Variants in DNAH9 observed in about 807,000 individuals in gnomAD.
DNAH9 encodes the protein dynein axonemal heavy chain 9.
Under a neutral mutation model 471.6 loss-of-function variants are expected in DNAH9, and 345 were observed. The ratio of observed to expected loss-of-function variants is 0.73; its 90% CI spans 0.67 to 0.80. The LOEUF (loss-of-function observed/expected upper bound fraction) is 0.80. Among genes scored for constraint, DNAH9 ranks in the 30% least tolerant of loss-of-function variants. The pLI, the probability that DNAH9 is intolerant of heterozygous loss-of-function variation, is 0.00. For synonymous variants in DNAH9, 2,093 were observed against 2,123.6 expected, an observed-to-expected ratio of 0.99 and a Z score of 0.40; for missense variants, 5,407 against 5,609.2, an observed-to-expected ratio of 0.96 and a Z score of 1.15.
At position 11,652,862 on chromosome 17, in the gene DNAH9, A is replaced by C; in HGVS notation, c.2455A>C (p.Lys819Gln). ...DNVEEIQNIM[K>Q]TWVTPIFKTK... is the part of the protein sequence containing the mutation. ...TGTGGAAGAGATCCAAAACATCATG[A>C]AAACATGGGTGACTCCAATATTTAA... The change falls in exon 14 of 69, where the codon AAA (lysine) becomes CAA (glutamine). Residue 819 changes from lysine (K) to glutamine (Q), a missense_variant. By Grantham distance (53) the Lys-to-Gln change is moderately conservative. Transcript: ENST00000262442. 1 of 1,614,176 alleles carries C rather than the reference A, an allele frequency of 6.2e-7. No homozygotes were observed.
At chr17:11,783,832 T>A in intron 40 of DNAH9, 84 bp downstream of exon 40, 3 of 1,105,980 alleles carry the variant, frequency 2.7e-6, no homozygotes, top group South Asian at 2.8e-5. Flanking sequence ...ATAATTGGCC[T>A]TTTTCCCCAT....
chr17:11,682,835 A>AGG (rs2074158180), intron 19 of DNAH9, among the ~76,000 whole-genome samples: 2 of 152,140 alleles, frequency 1.3e-5, no homozygotes, highest in Non-Finnish European at 2.9e-5. Flanking sequence ...TTTCCTTTCA[A>AGG]GCAATCATGA....
In DNAH9 at chr17:11,886,837, A is replaced by C. The variant is rs1366700976; in HGVS notation, c.10984A>C (p.Lys3662Gln). 1 of 1,611,730 alleles carries C rather than the reference A, an allele frequency of 6.2e-7. No homozygotes were observed. The highest frequency in any genetic ancestry group is 8.5e-7 in the Non-Finnish European group (1 of 1,178,820). The change falls in exon 57 of 69, where the codon AAG (lysine) becomes CAG (glutamine). Residue 3662 changes from lysine to glutamine, a missense_variant. By Grantham distance (53) the Lys-to-Gln change is moderately conservative. Around this residue, in one of 3 missense-constraint regions of DNAH9, gnomAD observed 4,636 missense variants for 4,900.3 expected, o/e 0.95. Coordinates refer to ENST00000262442, the MANE Select transcript of DNAH9 (RefSeq NM_001372.4). ...ATTTTTCCAACAGGTCCAGGAGGCC[A>C]AGGTGACTGAAGTGAAAATCAACGA... ...AEVEKKVQEAKVTEVKINEAR... is the reference protein window; with the variant it reads ...AEVEKKVQEAQVTEVKINEAR...
chr17:11,871,849 C>T lies in DNAH9; in HGVS notation c.10242+63C>T, dbSNP rs928745263. ...TCTGGGCACCAATGGGAAGACATCA[C>T]GGTCATAATTCGCATCCTCTGGTGT... On this transcript the variant is annotated intron_variant, in intron 52 of 68. Transcript: ENST00000262442. The T allele has an allele frequency of 4.1e-5, 64 of 1,555,122 alleles. No homozygotes were observed. In the South Asian group the frequency reaches 6.2e-4, roughly 15 times the overall value.
rs991593004 is a variant in DNAH9 at position 11,813,862 on chromosome 17, CTTACACACA to C, written c.8707+3494_8707+3502del. Among the ~76,000 whole-genome samples the C allele has an allele frequency of 2.2e-4, 34 of 152,330 alleles. No individual in the cohort carries two copies. The East Asian group carries it at 6.2e-3, about 28-fold the overall frequency. On this transcript the variant is annotated intron_variant, in intron 45 of 68. Coordinates refer to ENST00000262442, the MANE Select transcript of DNAH9 (RefSeq NM_001372.4). ...GGATTATAGATGGACATGAAGAAAT[CTTACACACA>C]AAGCAAAAATATTAAATTAGGTTCC...
chr17:11,890,808 G>A (rs573509305), intron 57 of DNAH9, among the ~76,000 whole-genome samples: 1 of 152,170 alleles, frequency 6.6e-6, no homozygotes, highest in Non-Finnish European at 1.5e-5. Context: ...TCCCGCTTCA[G>A]CTTCCCAAGT....
At chr17:11,763,086 T>C (rs1362647745) in intron 35 of DNAH9, among the ~76,000 whole-genome samples, 2 of 151,776 alleles carry the variant, frequency 1.3e-5, no homozygotes, top group Admixed American at 6.6e-5. Context: ...TTGCAGAAAG[T>C]GTGAAATGAG....
intron 14 of DNAH9, among the ~76,000 whole-genome samples, chr17:11,656,735 C>T (rs1355815956): frequency 6.6e-6 from 1 of 152,158 alleles, no homozygotes; most frequent in South Asian, 2.1e-4. Flanking sequence ...TCACCTGTCC[C>T]TCTTTCCAGT....
At chr17:11,664,276 AGAGAGAGAGAGAGT>A (rs2073827825) in intron 14 of DNAH9, among the ~76,000 whole-genome samples, 1 of 151,636 alleles carries the variant, frequency 6.6e-6, no homozygotes, top group South Asian at 2.1e-4. Context: ...AGGAGGGGAG[AGAGAGAGAGAGAGT>A]GAGAGAGAGA....
intron 27 of DNAH9, among the ~76,000 whole-genome samples, chr17:11,727,193 C>T (rs1457731019): frequency 6.6e-6 from 1 of 151,910 alleles, no homozygotes; most frequent in Non-Finnish European, 1.5e-5. Flanking sequence ...TTTTGGTTGC[C>T]CCGTGACTTA....
At chr17:11,797,147 T>C (rs746752170) in intron 42 of DNAH9, among the ~76,000 whole-genome samples, 1 of 152,162 alleles carries the variant, frequency 6.6e-6, no homozygotes, top group Non-Finnish European at 1.5e-5. Flanking sequence ...ACTTGTGTAA[T>C]CTCACAGGAA....
At chr17:11,835,008 G>T in intron 49 of DNAH9, 110 bp downstream of exon 49, 1 of 1,388,872 alleles carries the variant, frequency 7.2e-7, no homozygotes, top group Non-Finnish European at 9.6e-7. Flanking sequence ...GTTTAGGGTG[G>T]GCTCCAACTG....
At chr17:11,686,006 T>G (rs755602530) in intron 19 of DNAH9, among the ~76,000 whole-genome samples, 6 of 151,798 alleles carry the variant, frequency 4.0e-5, no homozygotes, top group Non-Finnish European at 8.8e-5. Flanking sequence ...GGGTTTCACC[T>G]TGTTAGCCAG....
chr17:11,967,566 G>A (rs928938123), intron 68 of DNAH9, among the ~76,000 whole-genome samples: 3 of 152,182 alleles, frequency 2.0e-5, no homozygotes, highest in South Asian at 2.1e-4. Flanking sequence ...ACGAATAGCA[G>A]ATTCTACTTA....
chr17:11,682,622 C>G (rs2074155314), intron 19 of DNAH9, among the ~76,000 whole-genome samples: 1 of 151,882 alleles, frequency 6.6e-6, no homozygotes, highest in South Asian at 2.1e-4. Context: ...ACATATGACT[C>G]TAAAGCAATG....
Position 11,834,783 on chromosome 17 carries a change from A to G in DNAH9, c.9392A>G (p.Lys3131Arg). ...EKAMADEEEQ[K>R]VAVIMLEVKQ... The stretch of plus-strand genomic sequence containing the variant: ...GCCATGGCAGATGAAGAGGAGCAGA[A>G]GGTGGCCGTCATCATGCTAGAGGTG... The change falls in exon 49 of 69, where the codon AAG becomes AGG. Residue 3131 changes from lysine to arginine, a missense_variant. Transcript: ENST00000262442. The G allele has an allele frequency of 6.2e-7, 1 of 1,614,132 alleles. No individual in the cohort carries two copies. Among genetic ancestry groups the G allele is most frequent in the Non-Finnish European group, 8.5e-7 (1 of 1,180,014 alleles).
intron 17 of DNAH9, among the ~76,000 whole-genome samples, chr17:11,671,401 A>G (rs2073969853): frequency 6.6e-6 from 1 of 152,012 alleles, no homozygotes; most frequent in Admixed American, 6.6e-5. Flanking sequence ...TCCATCAGGA[A>G]GCAGAGGGGG....
In DNAH9 at chr17:11,705,128, A is replaced by T. The variant is rs1382835407; in HGVS notation, c.5495A>T (p.Tyr1832Phe). The change falls in exon 26 of 69, where the codon TAT becomes TTT. Residue 1832 changes from tyrosine to phenylalanine, a missense_variant. Physicochemically the swap from Tyr to Phe is conservative, Grantham distance 22. Around this residue, in one of 3 missense-constraint regions of DNAH9, gnomAD observed 4,636 missense variants for 4,900.3 expected, o/e 0.95. Coordinates refer to ENST00000262442, the MANE Select transcript of DNAH9 (RefSeq NM_001372.4). Reference sequence around the variant, plus strand: ...AACATCTGTGATGCCCAGTTTTTGTATTCCTATGAGTACCTGGGAAACACA... The same window carrying T: ...AACATCTGTGATGCCCAGTTTTTGTTTTCCTATGAGTACCTGGGAAACACA... Reference protein sequence around the residue: ...FANICDAQFLYSYEYLGNTPR... With the variant: ...FANICDAQFLFSYEYLGNTPR... The T allele has an allele frequency of 6.2e-7, 1 of 1,614,030 alleles. No homozygotes were observed. Among genetic ancestry groups the T allele is most frequent in the East Asian group, 2.2e-5 (1 of 44,888 alleles).
intron 53 of DNAH9, 138 bp downstream of exon 53, chr17:11,875,322 T>G: frequency 1.4e-6 from 1 of 694,524 alleles, no homozygotes; most frequent in Non-Finnish European, 2.4e-6. Flanking sequence ...TCTCCGTCCA[T>G]TTTAGCAAAC....
Sources: gnomAD v4.1 joint callset for allele counts (sites outside exome capture counted in the v4.1 genomes callset) on GRCh38, gnomAD v4.1.1 for gene constraint, gnomAD v4.1.1 regional missense constraint, MANE v1.5 for transcripts, NCBI Gene and HGNC (gene_info 2026-07-23, HGNC 2026-07-21) for gene names.